Variants in BRCA1 observed in about 807,000 individuals in gnomAD.
BRCA1 encodes the protein BRCA1 DNA repair associated.
Under a neutral mutation model 173.7 loss-of-function variants are expected in BRCA1, and 140 were observed. The ratio of observed to expected loss-of-function variants is 0.81; its 90% CI spans 0.70 to 0.93. The LOEUF (loss-of-function observed/expected upper bound fraction) is 0.93, where lower values mean the gene tolerates loss of function less well. Among genes scored for constraint, BRCA1 ranks in the 40% least tolerant of loss-of-function variants. The pLI is 0.00. For synonymous variants in BRCA1, 662 were observed against 756.0 expected, an observed-to-expected ratio of 0.88 and a Z score of 2.04; for missense variants, 1,983 against 2,172.5, an observed-to-expected ratio of 0.91 and a Z score of 1.73.
chr17:43,099,982 A>G (rs943655166), intron 6 of BRCA1, 102 bp from the exon 7 acceptor site: 7 of 915,804 alleles, frequency 7.6e-6, no homozygotes, highest in Middle Eastern at 2.2e-4. Flanking sequence ...ATTGACCATC[A>G]TCAGTCAGCT....
At chr17:43,082,898 G>C in intron 11 of BRCA1, 1 of 344,440 alleles carries the variant, frequency 2.9e-6, no homozygotes, top group African/African-American at 2.1e-5. Flanking sequence ...AAACACTATC[G>C]ATATTTAAAA....
chr17:43,112,817 T>C (rs1358477580), intron 3 of BRCA1, among the ~76,000 whole-genome samples: 1 of 150,574 alleles, frequency 6.6e-6, no homozygotes, highest in Admixed American at 6.6e-5. Context: ...TTGTTTTTTT[T>C]TTTTGAGACA....
At chr17:43,162,764 C>A (rs1481930889) in intron 1 of BRCA1, 1 of 152,130 alleles carries the variant, frequency 6.6e-6, no homozygotes, top group Non-Finnish European at 1.5e-5. Context: ...CGTGCGTGGA[C>A]CAGTCAGCTT....
At chr17:43,100,182 A>G (rs1005679403) in intron 6 of BRCA1, among the ~76,000 whole-genome samples, 3 of 152,124 alleles carry the variant, frequency 2.0e-5, no homozygotes, top group Non-Finnish European at 2.9e-5. Context: ...AGTAGTAGTA[A>G]TAATAAAATG....
chr17:43,069,618 T>G (rs1354654985), intron 15 of BRCA1, among the ~76,000 whole-genome samples: 5 of 152,150 alleles, frequency 3.3e-5, no homozygotes, highest in Non-Finnish European at 5.9e-5. Flanking sequence ...CAGAGCAAAT[T>G]GCTGGTCTGG....
chr17:43,107,490 C>G (rs1021363762), intron 3 of BRCA1, among the ~76,000 whole-genome samples: 8 of 151,334 alleles, frequency 5.3e-5, no homozygotes, highest in African/African-American at 1.9e-4. Flanking sequence ...AAGCAATTCT[C>G]GTGCCTCAGC....
At chr17:43,136,058 C>T (rs1256696492) in intron 1 of BRCA1, among the ~76,000 whole-genome samples, 2 of 152,158 alleles carry the variant, frequency 1.3e-5, no homozygotes, top group African/African-American at 4.8e-5. Context: ...TTTGGGAGAC[C>T]AAGGCGGGAG....
chr17:43,067,494 T>C (rs2052145068), intron 16 of BRCA1, 114 bp downstream of exon 16: 1 of 788,566 alleles, frequency 1.3e-6, no homozygotes, highest in Non-Finnish European at 2.2e-6. Flanking sequence ...AATCTCGTGA[T>C]CTGCCCGCCT....
chr17:43,092,287 C>T lies in BRCA1; in HGVS notation c.3244G>A (p.Ala1082Thr), dbSNP rs779459487. Residue 1082 changes from alanine to threonine, a missense_variant, in exon 10 of 23, where the codon GCT (alanine) becomes ACT (threonine). By Grantham distance (58) the Ala-to-Thr change is moderately conservative. Transcript: ENST00000357654. ...TGCAAAACCCCTAATCTAAGCATAG[C>T]ATTCAATTTTGGCCCTCTGTTTCTA... The part of the protein sequence containing the change: ...LGRNRGPKLN[A>T]MLRLGVLQPE... 2 of 1,613,912 alleles carry T rather than the reference C, an allele frequency of 1.2e-6. No homozygotes were observed. Among genetic ancestry groups the T allele is most frequent in the Non-Finnish European group, 8.5e-7 (1 of 1,180,008 alleles).
In BRCA1 at chr17:43,092,527, TTTCCTC is replaced by T. The variant is rs80358333; in HGVS notation, c.2998_3003del (p.Glu1000_Glu1001del). ...GGTGACATTGAATGTTCCTCAAAGT[TTTCCTC>T]TAGCAGATTTTTCTTACATTTAGTT... On this transcript the variant is annotated inframe_deletion, in exon 10 of 23. Coordinates refer to ENST00000357654, the MANE Select transcript of BRCA1 (RefSeq NM_007294.4). 64 of 1,613,982 alleles carry T rather than the reference TTTCCTC, an allele frequency of 4.0e-5. No individual in the cohort carries two copies. Among genetic ancestry groups the T allele is most frequent in the Non-Finnish European group, 5.2e-5 (61 of 1,180,004 alleles).
chr17:43,118,761 C>CTTTTTTT (rs35150209), intron 2 of BRCA1, among the ~76,000 whole-genome samples: 1 of 136,626 alleles, frequency 7.3e-6, no homozygotes, highest in African/African-American at 2.7e-5. Flanking sequence ...GAATGTGAAC[C>CTTTTTTT]TTTTTTTTTT....
Position 43,087,555 on chromosome 17 carries a change from G to T in BRCA1, c.4185+3389C>A, listed in dbSNP as rs566941009. 2.0e-5 allele frequency among the ~76,000 whole-genome samples: 3 copies of T among 151,876 alleles called. No homozygotes were observed. In the East Asian group the frequency reaches 5.8e-4, roughly 29 times the overall value. The stretch of plus-strand genomic sequence containing the variant: ...CACATGCCTGTAATCCCAGCTACTC[G>T]GGAGGCTGAGGCAGGAGAATCGCAT... On this transcript the variant is annotated intron_variant, in intron 11 of 22. Transcript: ENST00000357654.
chr17:43,139,189 T>C (rs565520451), intron 1 of BRCA1, among the ~76,000 whole-genome samples: 3 of 151,002 alleles, frequency 2.0e-5, no homozygotes, highest in Admixed American at 2.0e-4. Context: ...TTTTTTTTTT[T>C]TAAATTTATC....
Position 43,144,183 on chromosome 17 carries a change from A to C in BRCA1, c.-19-20068T>G, listed in dbSNP as rs1597937750. ...GGTTGCAGTGAGCCGAGATTGCACC[A>C]CTGCACTCCAGCCTGGGTGACAGAG... On this transcript the variant is annotated intron_variant, in intron 1 of 7. Coordinates refer to the BRCA1 transcript ENST00000634433. The C allele has an allele frequency of 1.5e-5, 4 of 266,444 alleles. No individual in the cohort carries two copies. The East Asian group carries it at 6.1e-4, about 40-fold the overall frequency. 16.5% of individuals were successfully genotyped at this position (266,444 alleles called of 1,614,324 possible).
chr17:43,106,432 T>A, intron 4 of BRCA1, 24 bp downstream of exon 4: 1 of 1,478,608 alleles, frequency 6.8e-7, no homozygotes, highest in Non-Finnish European at 9.4e-7. Flanking sequence ...GCTTCCAACC[T>A]AGCATCATTA....
chr17:43,091,688 C>T lies in BRCA1; in HGVS notation c.3843G>A (p.Gln1281=), dbSNP rs1597860926. 1 of 1,614,226 alleles carries T rather than the reference C, an allele frequency of 6.2e-7. No individual in the cohort carries two copies. The highest frequency in any genetic ancestry group is 8.5e-7 in the Non-Finnish European group (1 of 1,180,026). ...SNQVILAKAS[Q]EHHLSEETKC... ...TTGTTTCCTCACTAAGGTGATGTTC[C>T]TGAGATGCCTTTGCCAATATTACCT... is the stretch of plus-strand genomic sequence containing the variant. Residue 1281 remains glutamine (Q), a synonymous_variant, in exon 10 of 23, where the codon CAG becomes CAA. Coordinates refer to ENST00000357654, the MANE Select transcript of BRCA1 (RefSeq NM_007294.4).
At chr17:43,143,747 G>C (rs1160456599) in intron 1 of BRCA1, among the ~76,000 whole-genome samples, 4 of 152,084 alleles carry the variant, frequency 2.6e-5, no homozygotes, top group Non-Finnish European at 4.4e-5. Context: ...CGGGGGATGG[G>C]GAGAGGCTAG....
At chr17:43,099,260 T>C (rs1398411258) in intron 7 of BRCA1, among the ~76,000 whole-genome samples, 2 of 151,760 alleles carry the variant, frequency 1.3e-5, no homozygotes, top group African/African-American at 2.4e-5. Context: ...AAACCAGATA[T>C]TCTTTCTTTT....
chr17:43,169,006 C>G (rs111729545), intron 1 of BRCA1, among the ~76,000 whole-genome samples: 2,213 of 152,264 alleles, frequency 0.015, 56 homozygotes, highest in African/African-American at 0.05. Context: ...CCGGCAGCAT[C>G]TGTTACTACT....
Sources: allele counts gnomAD v4.1 joint callset (sites outside exome capture counted in the v4.1 genomes callset), GRCh38; gene constraint gnomAD v4.1.1; transcripts MANE v1.5; gene names NCBI Gene and HGNC (gene_info 2026-07-23, HGNC 2026-07-21).